CACNB2: variants seen among roughly 807,000 people sequenced by gnomAD.
The protein encoded by CACNB2 is voltage-dependent L-type calcium channel subunit beta-2.
CACNB2 carries 42 observed loss-of-function variants against 73.3 expected under a neutral mutation model. The observed-to-expected ratio is 0.57, with a 90% confidence interval of 0.45 to 0.74. The LOEUF is 0.74. Among genes scored for constraint, CACNB2 ranks in the 30% least tolerant of loss-of-function variants. The pLI is 0.00. For missense variants in CACNB2, 940 were observed against 853.0 expected, an observed-to-expected ratio of 1.10 and a Z score of -1.27; for synonymous variants, 348 against 310.3, an observed-to-expected ratio of 1.12 and a Z score of -1.28.
intron 3 of CACNB2, among the ~76,000 whole-genome samples, chr10:18,465,868 A>G (rs562526068): frequency 6.6e-6 from 1 of 152,028 alleles, no homozygotes; most frequent in Non-Finnish European, 1.5e-5. Context: ...TTTAGTAGAG[A>G]CAGGGTTTCA....
At chr10:18,462,685 C>T (rs534380342) in intron 3 of CACNB2, among the ~76,000 whole-genome samples, 39 of 152,212 alleles carry the variant, frequency 2.6e-4, no homozygotes, top group South Asian at 1.0e-3. Flanking sequence ...TCTCTTTTTA[C>T]TGTTAAAAAG....
intron 2 of CACNB2, among the ~76,000 whole-genome samples, chr10:18,306,078 G>A (rs1310041252): frequency 6.6e-6 from 1 of 152,188 alleles, no homozygotes; most frequent in Non-Finnish European, 1.5e-5. Flanking sequence ...AGGAAGAGAA[G>A]AGACAGCCAG....
chr10:18,173,560 C>T (rs1390246819), intron 2 of CACNB2, among the ~76,000 whole-genome samples: 1 of 152,108 alleles, frequency 6.6e-6, no homozygotes, highest in African/African-American at 2.4e-5. Context: ...GCTGTAAGAA[C>T]TTTGAGTATA....
Position 18,539,795 on chromosome 10 carries a change from A to AGTCT in CACNB2, c.*72_*75dup. 6.7e-7 allele frequency: 1 copy of AGTCT among 1,502,234 alleles called. No homozygotes were observed. The highest frequency in any genetic ancestry group is 9.1e-7 in the Non-Finnish European group (1 of 1,102,422). 93.1% of individuals were successfully genotyped at this position (1,502,234 alleles called of 1,614,324 possible). ...ATAACTAACAGCATCCCCAAAACAA[A>AGTCT]GTCTTTGGGGTCTACACTGCAATCA... On this transcript the variant is annotated 3_prime_UTR_variant, in exon 14 of 14. Coordinates refer to ENST00000324631, the MANE Select transcript of CACNB2 (RefSeq NM_201596.3).
At chr10:18,301,274 A>G (rs976501186) in intron 2 of CACNB2, among the ~76,000 whole-genome samples, 2 of 152,152 alleles carry the variant, frequency 1.3e-5, no homozygotes, top group Admixed American at 1.3e-4. Flanking sequence ...GCACGAAGGA[A>G]AGCCCCAACA....
intron 3 of CACNB2, among the ~76,000 whole-genome samples, chr10:18,421,541 C>T (rs2045324926): frequency 6.6e-6 from 1 of 152,096 alleles, no homozygotes; most frequent in Non-Finnish European, 1.5e-5. Context: ...CTCAGGTGAT[C>T]CACCCACCTC....
chr10:18,300,621 C>T (rs571913424), intron 2 of CACNB2, among the ~76,000 whole-genome samples: 12 of 152,166 alleles, frequency 7.9e-5, no homozygotes, highest in South Asian at 2.1e-4. Flanking sequence ...TGCAATCTGA[C>T]GGGTGAATCA....
intron 2 of CACNB2, among the ~76,000 whole-genome samples, chr10:18,229,790 C>T (rs1325789466): frequency 6.6e-6 from 1 of 151,888 alleles, no homozygotes; most frequent in African/African-American, 2.4e-5. Context: ...ATGTTAGAGC[C>T]CTTTTTAGAA....
At chr10:18,303,691 T>C (rs955753179) in intron 2 of CACNB2, among the ~76,000 whole-genome samples, 2 of 152,098 alleles carry the variant, frequency 1.3e-5, no homozygotes, top group African/African-American at 2.4e-5. Flanking sequence ...CTGGAAAAAA[T>C]ACTGAGAGGC....
chr10:18,435,281 C>T lies in CACNB2; in HGVS notation c.333+33238C>T, dbSNP rs77650556. 2.2e-3 allele frequency among the ~76,000 whole-genome samples: 341 copies of T among 152,168 alleles called. 1 individual carries two copies. The highest frequency in any genetic ancestry group is 7.9e-3 in the African/African-American group (330 of 41,520). On this transcript the variant is annotated intron_variant, in intron 3 of 13. Transcript: ENST00000324631. ...TATAAGGCAGGCGGAGGCATAGTGC[C>T]GAGCTGACAATAGGCAATCCAACAT...
rs2133300201 is a variant in CACNB2 at position 18,535,949 on chromosome 10, CAT to C, written c.1207-151_1207-150del. 1.3e-5 allele frequency: 8 copies of C among 598,974 alleles called. No homozygotes were observed. In the Admixed American group the frequency reaches 2.3e-4, roughly 17 times the overall value. The allele number at this position is 598,974 out of a possible 1,614,324, so 37.1% of individuals were successfully genotyped here. A position where few individuals can be genotyped will look rare whatever the true frequency, so the allele number is the denominator to read the frequency against. The stretch of plus-strand genomic sequence containing the variant: ...AGCTTGCAACTGTGATTTATGTTAA[CAT>C]GTTAATTTTGCAGATAATCTTATAG... On this transcript the variant is annotated intron_variant, in intron 11 of 13. Transcript: ENST00000324631.
At chr10:18,508,139 A>G (rs1171700725) in intron 6 of CACNB2, among the ~76,000 whole-genome samples, 4 of 151,894 alleles carry the variant, frequency 2.6e-5, no homozygotes, top group African/African-American at 7.2e-5. Flanking sequence ...CTGTTTATAT[A>G]GAATTCCAAG....
intron 2 of CACNB2, among the ~76,000 whole-genome samples, chr10:18,401,567 T>C (rs1480120381): frequency 6.6e-6 from 1 of 152,242 alleles, no homozygotes; most frequent in African/African-American, 2.4e-5. Flanking sequence ...AAATACCTGC[T>C]TTAGCATGTA....
intron 3 of CACNB2, among the ~76,000 whole-genome samples, chr10:18,437,654 G>T (rs2046205108): frequency 6.6e-6 from 1 of 152,136 alleles, no homozygotes; most frequent in Non-Finnish European, 1.5e-5. Context: ...TGTATTCTGA[G>T]GAAGAAAATG....
chr10:18,338,213 G>A (rs944106135), intron 2 of CACNB2, among the ~76,000 whole-genome samples: 5 of 152,042 alleles, frequency 3.3e-5, no homozygotes, highest in Non-Finnish European at 5.9e-5. Flanking sequence ...CTCACAGAAC[G>A]GAAAAAAGAC....
intron 2 of CACNB2, among the ~76,000 whole-genome samples, chr10:18,274,138 G>A (rs2131661061): frequency 6.6e-6 from 1 of 152,102 alleles, no homozygotes; most frequent in East Asian, 1.9e-4. Context: ...ACATTGTGAA[G>A]CCTGTTGGCA....
chr10:18,407,273 C>A (rs2044351061), intron 3 of CACNB2, among the ~76,000 whole-genome samples: 2 of 151,466 alleles, frequency 1.3e-5, no homozygotes, highest in Middle Eastern at 3.4e-3. Context: ...AGGCACGCAC[C>A]ACCACACCCA....
Position 18,471,052 on chromosome 10 carries a change from C to T in CACNB2, c.334-27303C>T, listed in dbSNP as rs537209819. 1.6e-3 allele frequency among the ~76,000 whole-genome samples: 248 copies of T among 152,286 alleles called. 1 individual carries two copies. The highest frequency in any genetic ancestry group is 2.3e-3 in the Non-Finnish European group (157 of 68,026). On this transcript the variant is annotated intron_variant, in intron 3 of 13. Transcript: ENST00000324631. ...GGGTGCGGTGGGTCACACCTGTAAT[C>T]CCAGAGCTTTGGGAGGCCAAGGTGG...
intron 2 of CACNB2, among the ~76,000 whole-genome samples, chr10:18,197,659 C>G (rs148662819): frequency 6.6e-6 from 1 of 152,106 alleles, no homozygotes; most frequent in African/African-American, 2.4e-5. Flanking sequence ...GGCCACATGC[C>G]GGTTCCTGAA....
Sources: gnomAD v4.1 joint callset for allele counts (sites outside exome capture counted in the v4.1 genomes callset) on GRCh38, gnomAD v4.1.1 for gene constraint, MANE v1.5 for transcripts, NCBI Gene and HGNC (gene_info 2026-07-23, HGNC 2026-07-21) for gene names.